Variants in SEC61A2 observed in about 807,000 individuals in gnomAD.
SEC61A2 encodes the protein protein transport protein Sec61 subunit alpha isoform 2.
A neutral mutation model predicts 59.9 loss-of-function variants in SEC61A2; 28 were observed. That is an observed-to-expected ratio of 0.47 (90% CI 0.35 to 0.64). The LOEUF is 0.64. Among genes scored for constraint, SEC61A2 ranks in the 30% least tolerant of loss-of-function variants. The probability of loss-of-function intolerance (pLI) is 0.01; values close to 1 mark genes in which losing one functional copy is unlikely to be tolerated. For synonymous variants in SEC61A2, 202 were observed against 214.4 expected (o/e 0.94, Z 0.50); for missense variants, 340 against 585.9 (o/e 0.58, Z 4.33).
Position 12,165,007 on chromosome 10 carries a change from T to C in SEC61A2, c.*553T>C. The C allele has an allele frequency of 1.0e-6, 1 of 982,084 alleles. No homozygotes were observed. Among genetic ancestry groups the C allele is most frequent in the African/African-American group, 1.8e-5 (1 of 56,120 alleles). The allele number at this position is 982,084 out of a possible 1,614,324, so 60.8% of individuals were successfully genotyped here. A position where few individuals can be genotyped will look rare whatever the true frequency, so the allele number is the denominator to read the frequency against. The stretch of plus-strand genomic sequence containing the variant: ...TAGCCCACATGGGCGAAATCAAGTC[T>C]CCAGTTATTTCTGCCACAACTGCTT... On this transcript the variant is annotated 3_prime_UTR_variant, in exon 12 of 12. Transcript: ENST00000298428.
In SEC61A2 at chr10:12,164,811, A is replaced by G. The variant is rs1834626527; in HGVS notation, c.*357A>G. ...ATTGCCCCCACTTGTTGAAAAATAAATGTAGTTCAAATTGCCACTTTCCAG... is the reference window on the plus strand; with the variant it reads ...ATTGCCCCCACTTGTTGAAAAATAAGTGTAGTTCAAATTGCCACTTTCCAG... On this transcript the variant is annotated 3_prime_UTR_variant, in exon 12 of 12. Coordinates refer to ENST00000298428, the MANE Select transcript of SEC61A2 (RefSeq NM_018144.4). This position sits in a 1 kb window ranked among gnomAD's most constrained non-coding sequence, Gnocchi z 7.3. 9.8e-7 allele frequency: 1 copy of G among 1,020,288 alleles called. No individual in the cohort carries two copies. The highest frequency in any genetic ancestry group is 1.2e-6 in the Non-Finnish European group (1 of 852,752). The allele number at this position is 1,020,288 out of a possible 1,614,324, so 63.2% of individuals were successfully genotyped here.
At position 12,143,099 on chromosome 10, in the gene SEC61A2, T is replaced by C; in HGVS notation, c.142-18T>C. The C allele has an allele frequency of 1.3e-6, 2 of 1,586,772 alleles. No homozygotes were observed. Among genetic ancestry groups the C allele is most frequent in the Non-Finnish European group, 1.7e-6 (2 of 1,155,242 alleles). On this transcript the variant is annotated intron_variant, in intron 3 of 11. Coordinates refer to ENST00000298428, the MANE Select transcript of SEC61A2 (RefSeq NM_018144.4). This position sits in a 1 kb window ranked among gnomAD's most constrained non-coding sequence, Gnocchi z 4.8. ...TTATATAATACAGTTTCATAAACTATTTTGTGTACTATTTTAGATCCCACT... is the reference window on the plus strand; with the variant it reads ...TTATATAATACAGTTTCATAAACTACTTTGTGTACTATTTTAGATCCCACT...
rs748546076 is a variant in SEC61A2, at chr10:12,162,143, C to T, written c.1168-70C>T. 4.0e-5 allele frequency: 49 copies of T among 1,214,008 alleles called. No individual in the cohort carries two copies. The highest frequency in any genetic ancestry group is 5.7e-5 in the Non-Finnish European group (47 of 820,468). 75.2% of individuals were successfully genotyped at this position (1,214,008 alleles called of 1,614,324 possible). On this transcript the variant is annotated intron_variant, in intron 10 of 11. Transcript: ENST00000298428. The surrounding 1 kb of genome is among the most constrained non-coding windows in gnomAD (Gnocchi z 6.1). ...GTGTTAGTGTGTGGCGAGCACTTCG[C>T]ATAGAACGTGGTAGATGTAAGCAGT...
chr10:12,164,806 AATAAATGTAGTTCAAAT>A lies in SEC61A2; in HGVS notation c.*353_*369del. 1 of 1,025,032 alleles carries A rather than the reference AATAAATGTAGTTCAAAT, an allele frequency of 9.8e-7. No individual in the cohort carries two copies. Among genetic ancestry groups the A allele is most frequent in the Non-Finnish European group, 1.2e-6 (1 of 855,868 alleles). 63.5% of individuals were successfully genotyped at this position (1,025,032 alleles called of 1,614,324 possible). A position where few individuals can be genotyped will look rare whatever the true frequency, so the allele number is the denominator to read the frequency against. Reference sequence around the variant, plus strand: ...TTCATATTGCCCCCACTTGTTGAAAAATAAATGTAGTTCAAATTGCCACTTTCCAGTATTTTTGAGCT... The same window carrying A: ...TTCATATTGCCCCCACTTGTTGAAAATGCCACTTTCCAGTATTTTTGAGCT... On this transcript the variant is annotated 3_prime_UTR_variant, in exon 12 of 12. Transcript: ENST00000298428. This position sits in a 1 kb window ranked among gnomAD's most constrained non-coding sequence, Gnocchi z 7.3.
chr10:12,140,270 A>G (rs1833988580), intron 3 of SEC61A2, among the ~76,000 whole-genome samples: 1 of 152,182 alleles, frequency 6.6e-6, no homozygotes, highest in Non-Finnish European at 1.5e-5. Context: ...GGGTACAGAA[A>G]CAACCACAGG....
rs140900941 is a variant in SEC61A2 at position 12,149,901 on chromosome 10, G to C, written c.402G>C (p.Thr134=). The change falls in exon 6 of 12, where the codon ACG becomes ACC. Residue 134 remains threonine (T), a synonymous_variant. Transcript: ENST00000298428. This position sits in a 1 kb window ranked among gnomAD's most constrained non-coding sequence, Gnocchi z 5.2. ...TIGQAIVYVM[T]GMYGDPAEMG... ...GGCAAGCCATTGTGTATGTCATGAC[G>C]GGGATGTATGGGGACCCTGCAGAAA... 1 of 1,613,910 alleles carries C rather than the reference G, an allele frequency of 6.2e-7. No individual in the cohort carries two copies. Among genetic ancestry groups the C allele is most frequent in the Non-Finnish European group, 8.5e-7 (1 of 1,179,960 alleles).
Position 12,153,731 on chromosome 10 carries a change from T to G in SEC61A2, c.463-2047T>G. On this transcript the variant is annotated intron_variant, in intron 6 of 11. Coordinates refer to ENST00000298428, the MANE Select transcript of SEC61A2 (RefSeq NM_018144.4). The surrounding 1 kb of genome is among the most constrained non-coding windows in gnomAD (Gnocchi z 5.2). ...GGTGGGCAGTGACCCATTGGTGTCT[T>G]TTCAAGGCGTTACTAACATTGAAAA... The G allele has an allele frequency of 6.2e-7, 1 of 1,611,586 alleles. No homozygotes were observed.
Position 12,158,144 on chromosome 10 carries a change from A to C in SEC61A2, c.975+39A>C. On this transcript the variant is annotated intron_variant, in intron 9 of 11. Coordinates refer to ENST00000298428, the MANE Select transcript of SEC61A2 (RefSeq NM_018144.4). This position sits in a 1 kb window ranked among gnomAD's most constrained non-coding sequence, Gnocchi z 5.7. ...TTATTTACATTATTTATAGTTTATT[A>C]TAATTTGCATTTCATGGTTGTATTT... 6.8e-7 allele frequency: 1 copy of C among 1,475,966 alleles called. No homozygotes were observed. Among genetic ancestry groups the C allele is most frequent in the Non-Finnish European group, 9.3e-7 (1 of 1,071,028 alleles). The allele number at this position is 1,475,966 out of a possible 1,614,324, so 91.4% of individuals were successfully genotyped here.
At position 12,160,709 on chromosome 10, in the gene SEC61A2, CAA is replaced by C. The variant is rs34165047; in HGVS notation, c.976-220_976-219del. 0.42 allele frequency among the ~76,000 whole-genome samples: 63,532 copies of C among 151,818 alleles called. 13,285 individuals are homozygous for C. The highest frequency in any genetic ancestry group is 0.52 in the East Asian group (2,702 of 5,152). On this transcript the variant is annotated intron_variant, in intron 9 of 11. Transcript: ENST00000298428. The surrounding 1 kb of genome is among the most constrained non-coding windows in gnomAD (Gnocchi z 4.1). The stretch of plus-strand genomic sequence containing the variant: ...TATATTACAATTTTTAAAAATGACT[CAA>C]TATTTTCACAGTGTCTTGCATGTAA...
chr10:12,163,369 G>A (rs1834575864), intron 11 of SEC61A2, among the ~76,000 whole-genome samples: 1 of 142,764 alleles, frequency 7.0e-6, no homozygotes, highest in Non-Finnish European at 1.5e-5. Flanking sequence ...TTGTCACCCA[G>A]GCTGGAGTGC....
chr10:12,169,263 A>T, downstream of SEC61A2: 1 of 1,549,220 alleles, frequency 6.5e-7, no homozygotes, highest in Non-Finnish European at 8.7e-7. This position sits in a 1 kb window ranked among gnomAD's most constrained non-coding sequence, Gnocchi z 4.8. Context: ...CTAAGACCAA[A>T]AGTGAAGTTA....
chr10:12,160,950 C>G lies in SEC61A2; in HGVS notation c.996C>G (p.Pro332=), dbSNP rs773109987. The G allele has an allele frequency of 2.5e-6, 4 of 1,613,382 alleles. No homozygotes were observed. In the African/African-American group the frequency reaches 5.3e-5, roughly 22 times the overall value. ...TGTAGGATGTCAGTGGGGGAGGACC[C>G]GCACGTTCTTACCCAGTTGGAGGCC... The part of the protein sequence containing the change: ...GQWADVSGGG[P]ARSYPVGGLC... Residue 332 remains proline (P), a synonymous_variant, in exon 10 of 12, where the codon CCC becomes CCG. Transcript: ENST00000298428. This position sits in a 1 kb window ranked among gnomAD's most constrained non-coding sequence, Gnocchi z 4.1.
At chr10:12,146,471 C>T (rs11594903) in intron 4 of SEC61A2, among the ~76,000 whole-genome samples, 3,220 of 152,264 alleles carry the variant, frequency 0.021, 52 homozygotes, top group South Asian at 0.06. Flanking sequence ...GGAGCAGACA[C>T]ATCATGTATC....
At position 12,161,766 on chromosome 10, in the gene SEC61A2, A is replaced by T. The variant is rs1392860742; in HGVS notation, c.1168-447A>T. Among the ~76,000 whole-genome samples the T allele has an allele frequency of 1.3e-5, 2 of 152,140 alleles. No individual in the cohort carries two copies. Among genetic ancestry groups the T allele is most frequent in the African/African-American group, 4.8e-5 (2 of 41,440 alleles). On this transcript the variant is annotated intron_variant, in intron 10 of 11. Coordinates refer to ENST00000298428, the MANE Select transcript of SEC61A2 (RefSeq NM_018144.4). The surrounding 1 kb of genome is among the most constrained non-coding windows in gnomAD (Gnocchi z 5.4). ...AAAATAAATAAATAAATAGATAAAT[A>T]AAAAATTTTTAAAAAAGTAAAATAA...
At chr10:12,169,234 CTATT>C (rs1307257905), downstream of SEC61A2, 4 of 1,502,138 alleles carry the variant, frequency 2.7e-6, no homozygotes, top group Non-Finnish European at 3.6e-6. The surrounding 1 kb of genome is among the most constrained non-coding windows in gnomAD (Gnocchi z 4.8). Flanking sequence ...CTCACTTATT[CTATT>C]TTTTTCTCCC....
At position 12,153,865 on chromosome 10, in the gene SEC61A2, G is replaced by C. The variant is rs764130742; in HGVS notation, c.463-1913G>C. On this transcript the variant is annotated intron_variant, in intron 6 of 11. Coordinates refer to ENST00000298428, the MANE Select transcript of SEC61A2 (RefSeq NM_018144.4). This position sits in a 1 kb window ranked among gnomAD's most constrained non-coding sequence, Gnocchi z 5.2. Reference sequence around the variant, plus strand: ...GTGGAAGGTATTTCTCACCTTATTTGTTTATGTTTCATTCACGTGGTTAGT... The same window carrying C: ...GTGGAAGGTATTTCTCACCTTATTTCTTTATGTTTCATTCACGTGGTTAGT... 2 of 1,484,600 alleles carry C rather than the reference G, an allele frequency of 1.3e-6. No individual in the cohort carries two copies. Among genetic ancestry groups the C allele is most frequent in the East Asian group, 4.8e-5 (2 of 41,728 alleles). 92.0% of individuals were successfully genotyped at this position (1,484,600 alleles called of 1,614,324 possible).
At position 12,142,573 on chromosome 10, in the gene SEC61A2, A is replaced by G. The variant is rs1834044920; in HGVS notation, c.142-544A>G. On this transcript the variant is annotated intron_variant, in intron 3 of 11. Transcript: ENST00000298428. This position sits in a 1 kb window ranked among gnomAD's most constrained non-coding sequence, Gnocchi z 5.4. The stretch of plus-strand genomic sequence containing the variant: ...CATTCTACGACCAGGCAGGTATAAT[A>G]TTCCATAATCTACTGGTGGGAGTGT... 1 of 930,828 alleles carries G rather than the reference A, an allele frequency of 1.1e-6. No homozygotes were observed. The highest frequency in any genetic ancestry group is 1.8e-5 in the African/African-American group (1 of 56,002). 57.7% of individuals were successfully genotyped at this position (930,828 alleles called of 1,614,324 possible).
rs1834521193 is a variant in SEC61A2 at position 12,161,284 on chromosome 10, T to C, written c.1167+163T>C. Among the ~76,000 whole-genome samples, 1 of 151,640 alleles carries C rather than the reference T, an allele frequency of 6.6e-6. No homozygotes were observed. On this transcript the variant is annotated intron_variant, in intron 10 of 11. Coordinates refer to ENST00000298428, the MANE Select transcript of SEC61A2 (RefSeq NM_018144.4). This position sits in a 1 kb window ranked among gnomAD's most constrained non-coding sequence, Gnocchi z 5.4. ...CGAGACCCCGTCATGACTAAAAAAATACAAATAAAAATCGGCCGGGCACGG... is the reference window on the plus strand; with the variant it reads ...CGAGACCCCGTCATGACTAAAAAAACACAAATAAAAATCGGCCGGGCACGG...
intron 4 of SEC61A2, among the ~76,000 whole-genome samples, chr10:12,146,541 G>T (rs1034424152): frequency 1.3e-5 from 2 of 150,710 alleles, no homozygotes; most frequent in African/African-American, 2.4e-5. Flanking sequence ...TTTTTGAGAC[G>T]GAGTCTCGCT....
Sources: gnomAD v4.1 joint callset for allele counts (sites outside exome capture counted in the v4.1 genomes callset) on GRCh38, gnomAD v4.1.1 for gene constraint, Gnocchi (gnomAD v3.1) non-coding constraint, MANE v1.5 for transcripts, NCBI Gene and HGNC (gene_info 2026-07-23, HGNC 2026-07-21) for gene names.